Variants in RNGTT observed in about 807,000 individuals in gnomAD.
The protein encoded by RNGTT is mRNA-capping enzyme.
In RNGTT, 33 loss-of-function variants were observed where a neutral mutation model predicts 79.3. The observed-to-expected ratio is 0.42, with a 90% confidence interval of 0.32 to 0.56. The LOEUF is 0.56. Ranked by LOEUF, RNGTT falls within the 20% of genes least tolerant of loss-of-function variation. RNGTT has a pLI of 0.17. For missense variants in RNGTT, 497 were observed against 739.1 expected, an observed-to-expected ratio of 0.67 and a Z score of 3.80; for synonymous variants, 222 against 235.9, an observed-to-expected ratio of 0.94 and a Z score of 0.54.
At chr6:88,727,266 T>C (rs946168954) in intron 13 of RNGTT, among the ~76,000 whole-genome samples, 1 of 152,192 alleles carries the variant, frequency 6.6e-6, no homozygotes, top group African/African-American at 2.4e-5. Context: ...AAATACATCT[T>C]TGGTAAAAGG....
chr6:88,774,018 G>C (rs576374827), intron 12 of RNGTT, among the ~76,000 whole-genome samples: 31 of 152,160 alleles, frequency 2.0e-4, no homozygotes, highest in African/African-American at 7.2e-4. Context: ...AAAGTGAAAA[G>C]ACAACCTACA....
intron 14 of RNGTT, among the ~76,000 whole-genome samples, chr6:88,645,354 G>A (rs1407098860): frequency 2.0e-5 from 3 of 152,092 alleles, no homozygotes; most frequent in Non-Finnish European, 4.4e-5. Flanking sequence ...AAATAAAAGA[G>A]GATACAAACA....
At chr6:88,716,720 A>G (rs546798442) in intron 13 of RNGTT, among the ~76,000 whole-genome samples, 69 of 152,268 alleles carry the variant, frequency 4.5e-4, no homozygotes, top group African/African-American at 1.6e-3. Context: ...CGCAAGGACA[A>G]AAAACCAAAC....
rs150999076 is a variant in RNGTT, at chr6:88,777,113, C to T, written c.1339-7239G>A. On this transcript the variant is annotated intron_variant, in intron 12 of 15. Transcript: ENST00000369485. ...CATTTACTGAAAAGATTATCTTCTC[C>T]CCATTGTGTATTCTTGGTGCCCATG... is the stretch of plus-strand genomic sequence containing the variant. Among the ~76,000 whole-genome samples the T allele has an allele frequency of 5.0e-3, 761 of 152,210 alleles. 6 individuals are homozygous for T. The highest frequency in any genetic ancestry group is 0.017 in the African/African-American group (704 of 41,528).
At chr6:88,873,010 C>G (rs1475476207) in intron 8 of RNGTT, among the ~76,000 whole-genome samples, 1 of 150,732 alleles carries the variant, frequency 6.6e-6, no homozygotes, top group Non-Finnish European at 1.5e-5. Flanking sequence ...ATTCCTCAAG[C>G]AAAAGAAAAG....
At chr6:88,627,804 T>C (rs1772689935) in intron 14 of RNGTT, among the ~76,000 whole-genome samples, 1 of 152,044 alleles carries the variant, frequency 6.6e-6, no homozygotes, top group African/African-American at 2.4e-5. Flanking sequence ...TAGCAAAAAA[T>C]GTTCTCGTGG....
chr6:88,730,729 A>G (rs979676648), intron 13 of RNGTT, among the ~76,000 whole-genome samples: 2 of 152,154 alleles, frequency 1.3e-5, no homozygotes, highest in Non-Finnish European at 1.5e-5. Flanking sequence ...AGGACACTCT[A>G]TAATGTTCAC....
At chr6:88,768,946 CT>C (rs1295039094) in intron 13 of RNGTT, among the ~76,000 whole-genome samples, 23 of 152,214 alleles carry the variant, frequency 1.5e-4, no homozygotes, top group Non-Finnish European at 2.4e-4. Flanking sequence ...TTAACTTACC[CT>C]ACAAAAGTAT....
At chr6:88,696,278 T>A (rs1282769286) in intron 13 of RNGTT, among the ~76,000 whole-genome samples, 1 of 152,122 alleles carries the variant, frequency 6.6e-6, no homozygotes. Flanking sequence ...TAATGACAAT[T>A]TGTCAATTTA....
Position 88,737,083 on chromosome 6 carries a change from AT to A in RNGTT, c.1439+32690del, listed in dbSNP as rs146226303. Among the ~76,000 whole-genome samples the A allele has an allele frequency of 7.7e-3, 1,171 of 152,284 alleles. 8 individuals are homozygous for A. Among genetic ancestry groups the A allele is most frequent in the African/African-American group, 0.026 (1,086 of 41,554 alleles). The stretch of plus-strand genomic sequence containing the variant: ...GGCACAGCATGAAATCAAAGAGATT[AT>A]TTTCAAACCTCAAGATCTAATGGAA... On this transcript the variant is annotated intron_variant, in intron 13 of 15. Coordinates refer to ENST00000369485, the MANE Select transcript of RNGTT (RefSeq NM_003800.5).
chr6:88,742,953 T>C (rs13202423), intron 13 of RNGTT, among the ~76,000 whole-genome samples: 4,302 of 152,252 alleles, frequency 0.028, 81 homozygotes, highest in Middle Eastern at 0.082. Flanking sequence ...GAAAAAGATA[T>C]GGATTACAGA....
chr6:88,786,676 A>G (rs903445420), intron 12 of RNGTT, among the ~76,000 whole-genome samples: 1 of 152,232 alleles, frequency 6.6e-6, no homozygotes, highest in African/African-American at 2.4e-5. Context: ...AAACAAACAG[A>G]TAATTTTTTC....
At position 88,844,407 on chromosome 6, in the gene RNGTT, G is replaced by C; in HGVS notation, c.1219C>G (p.Pro407Ala). 1 of 1,613,972 alleles carries C rather than the reference G, an allele frequency of 6.2e-7. No individual in the cohort carries two copies. Among genetic ancestry groups the C allele is most frequent in the South Asian group, 1.1e-5 (1 of 91,074 alleles). The change falls in exon 11 of 16, where the codon CCA (proline) becomes GCA (alanine). Residue 407 changes from proline (P) to alanine (A), a missense_variant. Coordinates refer to ENST00000369485, the MANE Select transcript of RNGTT (RefSeq NM_003800.5). Reference sequence around the variant, plus strand: ...AACGGCTTATTTCTGACGCTAAATGGTTCCTGTGTTTTGTCAATGAGCCCA... The same window carrying C: ...AACGGCTTATTTCTGACGCTAAATGCTTCCTGTGTTTTGTCAATGAGCCCA... ...KTGLIDKTQEPFSVRNKPFFD... is the reference protein window; with the variant it reads ...KTGLIDKTQEAFSVRNKPFFD...
rs67058652 is a variant in RNGTT at position 88,696,601 on chromosome 6, TACAC to T, written c.1440-18186_1440-18183del. 4.5e-3 allele frequency among the ~76,000 whole-genome samples: 664 copies of T among 147,372 alleles called. 3 individuals are homozygous for T. The highest frequency in any genetic ancestry group is 0.01 in the Middle Eastern group (3 of 286). On this transcript the variant is annotated intron_variant, in intron 13 of 15. Coordinates refer to ENST00000369485, the MANE Select transcript of RNGTT (RefSeq NM_003800.5). ...TGCAGGATGAACAGAAATCCTGAAGTACACACACACACACACACACACACACACA... is the reference window on the plus strand; with the variant it reads ...TGCAGGATGAACAGAAATCCTGAAGTACACACACACACACACACACACACA...
At chr6:88,823,548 T>C (rs1454941509) in intron 11 of RNGTT, among the ~76,000 whole-genome samples, 4 of 151,814 alleles carry the variant, frequency 2.6e-5, no homozygotes, top group Admixed American at 2.6e-4. Context: ...CCAAGATATG[T>C]AAAGAACTTC....
chr6:88,798,771 T>C lies in RNGTT; in HGVS notation c.1338+2793A>G, dbSNP rs114189370. ...CTGTTTATGATTTTAAAAAGAATTATTGGAAGAACAGAATCAGAAATTTCT... is the reference window on the plus strand; with the variant it reads ...CTGTTTATGATTTTAAAAAGAATTACTGGAAGAACAGAATCAGAAATTTCT... On this transcript the variant is annotated intron_variant, in intron 12 of 15. Transcript: ENST00000369485. Among the ~76,000 whole-genome samples the C allele has an allele frequency of 4.5e-3, 678 of 152,304 alleles. 9 individuals carry two copies. Among genetic ancestry groups the C allele is most frequent in the African/African-American group, 0.016 (650 of 41,570 alleles).
intron 11 of RNGTT, among the ~76,000 whole-genome samples, chr6:88,817,490 T>TAAAAAAAAAAAAAAAAAAAA (rs11354100): frequency 2.2e-5 from 1 of 44,564 alleles, no homozygotes; most frequent in African/African-American, 9.7e-5. Context: ...AAAAAATAAG[T>TAAAAAAAAAAAAAAAAAAAA]AAAAAAAAAA....
At chr6:88,660,920 A>G (rs1252131529) in intron 14 of RNGTT, among the ~76,000 whole-genome samples, 1 of 152,222 alleles carries the variant, frequency 6.6e-6, no homozygotes, top group Non-Finnish European at 1.5e-5. Flanking sequence ...GATAGGTCAC[A>G]AAACAAGTCT....
intron 12 of RNGTT, among the ~76,000 whole-genome samples, chr6:88,773,894 T>C (rs1778782899): frequency 6.6e-6 from 1 of 152,148 alleles, no homozygotes; most frequent in Non-Finnish European, 1.5e-5. Flanking sequence ...CGATCTTAGA[T>C]TTGGCAGTAG....
Sources: allele counts gnomAD v4.1 joint callset (sites outside exome capture counted in the v4.1 genomes callset), GRCh38; gene constraint gnomAD v4.1.1; transcripts MANE v1.5; gene names NCBI Gene and HGNC (gene_info 2026-07-23, HGNC 2026-07-21).